POLA1: variants seen among roughly 807,000 people sequenced by gnomAD.
POLA1 encodes DNA polymerase alpha 1, catalytic subunit, also known as DNA polymerase alpha catalytic subunit.
A neutral mutation model predicts 124.0 loss-of-function variants in POLA1; 15 were observed. That is an observed-to-expected ratio of 0.12 (90% CI 0.08 to 0.19). POLA1 has a LOEUF of 0.19. POLA1 is among the 10% of genes least tolerant of loss of function. The pLI is 1.00. For synonymous variants in POLA1, 408 were observed against 389.4 expected (o/e 1.05, Z -0.56); for missense variants, 886 against 1,103.4 (o/e 0.80, Z 2.79).
chrX:24,995,500 G>T (rs1327478461), intron 36 of POLA1, among the ~76,000 whole-genome samples: 4 of 112,061 alleles, frequency 3.6e-5, no homozygotes, highest in African/African-American at 1.3e-4. Flanking sequence ...AGTGGCGTCT[G>T]CGAGTAGAGC....
At chrX:24,806,559 T>C (rs1285269356) in intron 26 of POLA1, among the ~76,000 whole-genome samples, 10 of 111,442 alleles carry the variant, frequency 9.0e-5, no homozygotes, top group Non-Finnish European at 1.7e-4. Context: ...TGACAAACTG[T>C]GGTGAGGACC....
chrX:24,761,382 G>C (rs1015366538), intron 26 of POLA1, among the ~76,000 whole-genome samples: 1 of 99,392 alleles, frequency 1.0e-5, no homozygotes, highest in Non-Finnish European at 2.1e-5. Flanking sequence ...GGCTATATTT[G>C]TTTCATGGGT....
At chrX:24,713,718 A>G (rs1460043929) in intron 4 of POLA1, among the ~76,000 whole-genome samples, 3 of 112,758 alleles carry the variant, frequency 2.7e-5, no homozygotes, top group Middle Eastern at 4.6e-3. Context: ...CCCGGCCAGC[A>G]AAAGTTGTTC....
intron 32 of POLA1, among the ~76,000 whole-genome samples, chrX:24,839,645 T>C (rs1323813949): frequency 2.7e-5 from 3 of 111,971 alleles, no homozygotes; most frequent in African/African-American, 6.5e-5. Flanking sequence ...CTGGCCAATT[T>C]TGTATATGTG....
At chrX:24,923,118 TCTC>T (rs1247265698) in intron 35 of POLA1, among the ~76,000 whole-genome samples, 1 of 111,420 alleles carries the variant, frequency 9.0e-6, no homozygotes, top group African/African-American at 3.3e-5. Flanking sequence ...GCCAGCCGTG[TCTC>T]CTCAGATGGA....
At chrX:24,778,453 A>G (rs996538857) in intron 26 of POLA1, among the ~76,000 whole-genome samples, 5 of 110,520 alleles carry the variant, frequency 4.5e-5, no homozygotes, top group African/African-American at 1.6e-4. Flanking sequence ...CTGGTCTTGA[A>G]CTCCTCACCT....
chrX:24,853,544 C>A (rs1240879855), intron 34 of POLA1, among the ~76,000 whole-genome samples: 1 of 111,934 alleles, frequency 8.9e-6, no homozygotes, highest in East Asian at 2.8e-4. Flanking sequence ...TTTGAAATCG[C>A]ATTTGTTCAT....
At chrX:24,903,146 C>T (rs749747809) in intron 35 of POLA1, among the ~76,000 whole-genome samples, 4 of 112,676 alleles carry the variant, frequency 3.6e-5, no homozygotes, top group Non-Finnish European at 7.5e-5. Flanking sequence ...TTGCATTCAC[C>T]TAATATTTCT....
Position 24,711,382 on chromosome X carries a change from A to G in POLA1, c.347-3172A>G, listed in dbSNP as rs754134791. Among the ~76,000 whole-genome samples the G allele has an allele frequency of 3.6e-5, 4 of 112,641 alleles. No homozygotes were observed. In the South Asian group the frequency reaches 1.5e-3, roughly 41 times the overall value. On this transcript the variant is annotated intron_variant, in intron 4 of 36. Transcript: ENST00000379068. The stretch of plus-strand genomic sequence containing the variant: ...TGAAAATTACCCCATATTAGAACAT[A>G]GAGAGCTTGTTTTTAATTATTTATT...
In POLA1 at chrX:24,907,659, G is replaced by A. The variant is rs574337658; in HGVS notation, c.4164+19537G>A. ...ATACTCTTCAGGAGTAAAAGTGAAAGAAAGACATTCTCAGATGAGTAGGAT... is the reference window on the plus strand; with the variant it reads ...ATACTCTTCAGGAGTAAAAGTGAAAAAAAGACATTCTCAGATGAGTAGGAT... On this transcript the variant is annotated intron_variant, in intron 35 of 36. Transcript: ENST00000379068. 1.6e-4 allele frequency among the ~76,000 whole-genome samples: 18 copies of A among 111,968 alleles called. No homozygotes were observed. The South Asian group carries it at 6.0e-3, about 37-fold the overall frequency.
At chrX:24,799,959 G>A (rs897193719) in intron 26 of POLA1, among the ~76,000 whole-genome samples, 3 of 111,933 alleles carry the variant, frequency 2.7e-5, no homozygotes, top group African/African-American at 9.8e-5. Context: ...TAATCAGGTT[G>A]TGTGAAACTT....
chrX:24,715,713 G>C (rs1034014791), intron 6 of POLA1, among the ~76,000 whole-genome samples: 2 of 111,758 alleles, frequency 1.8e-5, no homozygotes, highest in Admixed American at 1.9e-4. Flanking sequence ...CCAGCTGTTA[G>C]AGCTGTGTGA....
intron 26 of POLA1, among the ~76,000 whole-genome samples, chrX:24,796,641 G>A (rs1196584133): frequency 9.0e-6 from 1 of 111,308 alleles, no homozygotes; most frequent in African/African-American, 3.3e-5. Flanking sequence ...CAGGCATTTC[G>A]AAGAGTTCTG....
intron 36 of POLA1, among the ~76,000 whole-genome samples, chrX:24,951,005 A>G (rs2048031714): frequency 8.9e-6 from 1 of 111,933 alleles, no homozygotes; most frequent in African/African-American, 3.2e-5. Flanking sequence ...GAGATGTTAT[A>G]ACATAGGAGA....
intron 35 of POLA1, among the ~76,000 whole-genome samples, chrX:24,889,999 A>G (rs1158910325): frequency 2.7e-5 from 3 of 111,578 alleles, no homozygotes; most frequent in African/African-American, 9.8e-5. Context: ...ATTTTTTTAC[A>G]TGGTTGCCAT....
chrX:24,717,233 G>A lies in POLA1; in HGVS notation c.707-57G>A, dbSNP rs746457547. On this transcript the variant is annotated intron_variant, in intron 8 of 36. Transcript: ENST00000379068. ...CCTTTGTGCGCCTTTGTGTGCCTTTGTGTGCCTTTGTGTCATCGCAATAAC... is the reference window on the plus strand; with the variant it reads ...CCTTTGTGCGCCTTTGTGTGCCTTTATGTGCCTTTGTGTCATCGCAATAAC... The A allele has an allele frequency of 1.0e-3, 1,072 of 1,028,689 alleles. 1 individual carries two copies. Among genetic ancestry groups the A allele is most frequent in the Non-Finnish European group, 1.2e-3 (899 of 732,350 alleles). The allele number at this position is 1,028,689 out of a possible 1,213,427, so 84.8% of individuals were successfully genotyped here. A position where few individuals can be genotyped will look rare whatever the true frequency, so the allele number is the denominator to read the frequency against.
At chrX:24,930,912 T>C (rs889087452) in intron 36 of POLA1, among the ~76,000 whole-genome samples, 10 of 112,286 alleles carry the variant, frequency 8.9e-5, no homozygotes, top group African/African-American at 3.2e-4. Context: ...CAGATATTAC[T>C]GCAAAAAAAT....
In POLA1 at chrX:24,922,855, AG is replaced by A. The variant is rs771483191; in HGVS notation, c.4165-7595del. 3.6e-5 allele frequency among the ~76,000 whole-genome samples: 4 copies of A among 112,264 alleles called. No individual in the cohort carries two copies. The East Asian group carries it at 1.1e-3, about 31-fold the overall frequency. On this transcript the variant is annotated intron_variant, in intron 35 of 36. Transcript: ENST00000379068. ...CATCTTAAAGTTCCAGTGGAATCCA[AG>A]GGTATGACTTACAAACCTTGATTTT...
chrX:24,981,841 TAGAC>T (rs1425632959), intron 36 of POLA1, among the ~76,000 whole-genome samples: 3 of 112,451 alleles, frequency 2.7e-5, no homozygotes, highest in Admixed American at 9.4e-5. Context: ...ATCAGAACAA[TAGAC>T]AGACATAAAT....
Sources: gnomAD v4.1 joint callset for allele counts (sites outside exome capture counted in the v4.1 genomes callset) on GRCh38, gnomAD v4.1.1 for gene constraint, MANE v1.5 for transcripts, NCBI Gene and HGNC (gene_info 2026-07-23, HGNC 2026-07-21) for gene names.